The following ANAPC1 variants were observed in gnomAD, a reference collection of about 807,000 sequenced individuals.
The protein encoded by ANAPC1 is anaphase-promoting complex subunit 1.
Under a neutral mutation model 208.0 loss-of-function variants are expected in ANAPC1, and 36 were observed. That is an observed-to-expected ratio of 0.17 (90% CI 0.13 to 0.23). ANAPC1 has a LOEUF of 0.23. Ranked by LOEUF, ANAPC1 falls within the 10% of genes least tolerant of loss-of-function variation. ANAPC1 has a pLI of 1.00. For missense variants in ANAPC1, 942 were observed against 2,011.6 expected (o/e 0.47, Z 10.17); for synonymous variants, 378 against 695.2 (o/e 0.54, Z 7.18).
chr2:111,839,251 C>T (rs1680632372), intron 17 of ANAPC1, among the ~76,000 whole-genome samples: 1 of 152,338 alleles, frequency 6.6e-6, no homozygotes, highest in African/African-American at 2.4e-5. Flanking sequence ...TGTTTATCTG[C>T]TAAGCCCTGT....
chr2:111,841,885 A>G (rs183753718), intron 17 of ANAPC1, among the ~76,000 whole-genome samples: 3,299 of 152,294 alleles, frequency 0.022, 110 homozygotes, highest in African/African-American at 0.074. Context: ...AATAAGATAA[A>G]ATTTCTCAGG....
chr2:111,858,802 C>A, intron 10 of ANAPC1, among the ~76,000 whole-genome samples: 1 of 149,540 alleles, frequency 6.7e-6, no homozygotes, highest in Admixed American at 6.7e-5. Flanking sequence ...TGAAAATATT[C>A]TGCAAGAAAT....
rs1374894934 is a variant in ANAPC1, at chr2:111,884,154, A to T, written c.-237T>A. On this transcript the variant is annotated 5_prime_UTR_variant, in exon 1 of 48. An upstream open reading frame in the 5' UTR loses its in-frame stop. Transcript: ENST00000341068. Reference sequence around the variant, plus strand: ...TGGCAGGAAGGCGTGCGAGACGTTCAAATGGACGCGTCCATCTTGACTTTC... The same window carrying T: ...TGGCAGGAAGGCGTGCGAGACGTTCTAATGGACGCGTCCATCTTGACTTTC... 6.6e-6 allele frequency: 1 copy of T among 152,298 alleles called. No individual in the cohort carries two copies. Among genetic ancestry groups the T allele is most frequent in the Non-Finnish European group, 1.5e-5 (1 of 68,086 alleles). The allele number at this position is 152,298 out of a possible 1,614,324, so 9.4% of individuals were successfully genotyped here.
At chr2:111,790,423 A>T (rs540189289) in intron 38 of ANAPC1, among the ~76,000 whole-genome samples, 1 of 152,240 alleles carries the variant, frequency 6.6e-6, no homozygotes, top group Non-Finnish European at 1.5e-5. Flanking sequence ...GTACAGAAAA[A>T]CAGACCAGCA....
chr2:111,830,155 A>T (rs1680057160), intron 21 of ANAPC1, among the ~76,000 whole-genome samples: 4 of 152,238 alleles, frequency 2.6e-5, no homozygotes, highest in African/African-American at 4.8e-5. Flanking sequence ...TTAAAGACTT[A>T]CTATAAAGCT....
chr2:111,877,397 A>T (rs1683076907), intron 3 of ANAPC1, among the ~76,000 whole-genome samples: 1 of 152,318 alleles, frequency 6.6e-6, no homozygotes, highest in African/African-American at 2.4e-5. Flanking sequence ...CAGAATGTAG[A>T]CTATAAACTT....
chr2:111,863,115 T>C (rs1190888337), intron 9 of ANAPC1, among the ~76,000 whole-genome samples: 2 of 152,112 alleles, frequency 1.3e-5, no homozygotes, highest in East Asian at 1.9e-4. Flanking sequence ...GTTGCCCACA[T>C]AGTGGTAGAA....
intron 34 of ANAPC1, among the ~76,000 whole-genome samples, chr2:111,797,130 G>A (rs1678203631): frequency 6.7e-6 from 1 of 148,790 alleles, no homozygotes; most frequent in African/African-American, 2.5e-5. Context: ...CCAAAGTGCT[G>A]GGATTACAGG....
At chr2:111,780,809 GA>G (rs1677232297) in intron 43 of ANAPC1, 1 of 153,662 alleles carries the variant, frequency 6.5e-6, no homozygotes, top group African/African-American at 2.5e-5. Context: ...CAAAATCACA[GA>G]GACATAAAAT....
rs1037912462 is a variant in ANAPC1, at chr2:111,831,157, T to C, written c.2625+129A>G. 10 of 706,982 alleles carry C rather than the reference T, an allele frequency of 1.4e-5. No individual in the cohort carries two copies. In the African/African-American group the frequency reaches 1.6e-4, roughly 11 times the overall value. 43.8% of individuals were successfully genotyped at this position (706,982 alleles called of 1,614,324 possible). A position where few individuals can be genotyped will look rare whatever the true frequency, so the allele number is the denominator to read the frequency against. On this transcript the variant is annotated intron_variant, in intron 21 of 47. Transcript: ENST00000341068. ...ATGTTCTATATCCTCATTGTAGTAA[T>C]TACATGAATCTATACACGTACTGAA...
chr2:111,881,022 T>C (rs1184048985), intron 1 of ANAPC1, 173 bp from the exon 2 acceptor site: 5 of 588,610 alleles, frequency 8.5e-6, no homozygotes. Context: ...TTCAGACAGT[T>C]GCAATTATCA....
intron 45 of ANAPC1, among the ~76,000 whole-genome samples, 160 bp from the exon 46 acceptor site, chr2:111,777,217 T>C (rs1411188501): frequency 6.6e-6 from 1 of 152,116 alleles, no homozygotes; most frequent in African/African-American, 2.4e-5. Flanking sequence ...AGAGGAGCCG[T>C]CACTGGGTAC....
intron 4 of ANAPC1, 101 bp from the exon 5 acceptor site, chr2:111,873,509 G>A (rs900728110): frequency 4.7e-6 from 7 of 1,483,458 alleles, no homozygotes; most frequent in African/African-American, 1.4e-5. Context: ...AGATGCTTAT[G>A]GTAAACCACT....
At chr2:111,877,546 G>A (rs946079483) in intron 3 of ANAPC1, among the ~76,000 whole-genome samples, 2 of 152,184 alleles carry the variant, frequency 1.3e-5, no homozygotes. Flanking sequence ...GGAGGCCGAG[G>A]TGGGTGGGTA....
intron 34 of ANAPC1, among the ~76,000 whole-genome samples, chr2:111,798,667 A>G (rs1434128166): frequency 1.3e-5 from 2 of 152,162 alleles, no homozygotes; most frequent in Non-Finnish European, 1.5e-5. Context: ...TAACATTCTA[A>G]TATCTTCTGC....
At chr2:111,789,812 G>A (rs570882021) in intron 38 of ANAPC1, among the ~76,000 whole-genome samples, 12 of 152,362 alleles carry the variant, frequency 7.9e-5, no homozygotes, top group East Asian at 3.9e-4. Context: ...AATTCGATAC[G>A]AAAGAAGAGC....
At chr2:111,841,526 C>CA (rs984396083) in intron 17 of ANAPC1, among the ~76,000 whole-genome samples, 11 of 151,262 alleles carry the variant, frequency 7.3e-5, no homozygotes, top group African/African-American at 2.4e-4. Flanking sequence ...TGCAAACACT[C>CA]AGAGGCAGAA....
chr2:111,791,706 A>C (rs1196504183), intron 38 of ANAPC1, among the ~76,000 whole-genome samples: 1 of 152,180 alleles, frequency 6.6e-6, no homozygotes, highest in South Asian at 2.1e-4. Flanking sequence ...AATCAACGTA[A>C]GGTGTTAGAA....
At chr2:111,810,517 G>A (rs1033355797) in intron 28 of ANAPC1, among the ~76,000 whole-genome samples, 2 of 151,374 alleles carry the variant, frequency 1.3e-5, no homozygotes, top group Non-Finnish European at 2.9e-5. Flanking sequence ...AAAAAATAAC[G>A]CTGTGAAGTG....
Sources: allele counts gnomAD v4.1 joint callset (sites outside exome capture counted in the v4.1 genomes callset), GRCh38; gene constraint gnomAD v4.1.1; transcripts MANE v1.5; gene names NCBI Gene and HGNC (gene_info 2026-07-23, HGNC 2026-07-21).